LOXL2: variants seen among roughly 807,000 people sequenced by gnomAD.
LOXL2 encodes the protein lysyl oxidase homolog 2.
LOXL2 carries 70 observed loss-of-function variants against 93.0 expected under a neutral mutation model. The observed-to-expected ratio is 0.75, with a 90% CI of 0.62 to 0.92. LOXL2 has a LOEUF of 0.92. Ranked by LOEUF, LOXL2 falls within the 40% of genes least tolerant of loss-of-function variation. LOXL2 has a pLI of 0.00. For missense variants in LOXL2, 973 were observed against 1,054.9 expected (o/e 0.92, Z 1.08); for synonymous variants, 438 against 413.2 (o/e 1.06, Z -0.73).
chr8:23,384,923 A>G (rs1014566845), intron 1 of LOXL2, among the ~76,000 whole-genome samples: 2 of 152,124 alleles, frequency 1.3e-5, no homozygotes, highest in Middle Eastern at 3.2e-3. Context: ...CAAACAAACA[A>G]AAAGCCTCCA....
At chr8:23,388,437 G>C (rs1293210842) in intron 1 of LOXL2, among the ~76,000 whole-genome samples, 1 of 151,514 alleles carries the variant, frequency 6.6e-6, no homozygotes, top group Non-Finnish European at 1.5e-5. Flanking sequence ...TTTTTTAATT[G>C]GCTGGGCATG....
chr8:23,302,029 G>A lies in LOXL2; in HGVS notation c.2131C>T (p.Gln711Ter). 6.2e-7 allele frequency: 1 copy of A among 1,614,086 alleles called. No homozygotes were observed. The highest frequency in any genetic ancestry group is 1.1e-5 in the South Asian group (1 of 91,068). Residue 711 changes from glutamine to a stop codon, truncating the protein, a stop_gained and splice_region_variant, in exon 12 of 14, where the codon CAG becomes TAG. Coordinates refer to ENST00000389131, the MANE Select transcript of LOXL2 (RefSeq NM_002318.3). LOFTEE classifies it high-confidence loss of function. ...TDVPPGDYLFQVVINPNFEVA... is the reference protein window; with the variant it reads ...TDVPPGDYLF ...GAACCCCTTCCCACCCACCTCACCT[G>A]GAACAGGTAGTCTCCAGGGGGCACG...
chr8:23,327,613 T>A (rs1404203416), intron 6 of LOXL2, among the ~76,000 whole-genome samples: 1 of 152,110 alleles, frequency 6.6e-6, no homozygotes, highest in African/African-American at 2.4e-5. Flanking sequence ...AAGTCACAGT[T>A]GTCTCGGGGA....
chr8:23,323,039 C>G (rs4872105), intron 6 of LOXL2, among the ~76,000 whole-genome samples: 108,324 of 152,152 alleles, frequency 0.71, 38,756 homozygotes, highest in Middle Eastern at 0.76. Context: ...AGCTGGTATC[C>G]AGGCTTACTG....
rs1328687545 is a variant in LOXL2 at position 23,298,172 on chromosome 8, C to A, written c.2246-50G>T. 4.2e-6 allele frequency: 6 copies of A among 1,430,186 alleles called. 1 individual carries two copies. The South Asian group carries it at 4.6e-5, about 11-fold the overall frequency. 88.6% of individuals were successfully genotyped at this position (1,430,186 alleles called of 1,614,324 possible). A position where few individuals can be genotyped will look rare whatever the true frequency, so the allele number is the denominator to read the frequency against. ...AGAGTGGACAAATGAGATGCTCGGG[C>A]CTTGCCTGACCCTGAGCCAGGGGAG... On this transcript the variant is annotated intron_variant, in intron 13 of 13. Coordinates refer to ENST00000389131, the MANE Select transcript of LOXL2 (RefSeq NM_002318.3).
intron 1 of LOXL2, chr8:23,402,881 T>A (rs906763720): frequency 6.6e-6 from 1 of 152,156 alleles, no homozygotes; most frequent in African/African-American, 2.4e-5. Flanking sequence ...TCTCCCCTCA[T>A]CAGGACTTGG....
chr8:23,363,495 C>T (rs1804337655), intron 2 of LOXL2: 1 of 152,172 alleles, frequency 6.6e-6, no homozygotes. Context: ...GTTTGTCTTG[C>T]TAAGTTACTA....
intron 3 of LOXL2, among the ~76,000 whole-genome samples, chr8:23,354,750 C>T (rs1363486590): frequency 1.3e-5 from 2 of 151,764 alleles, no homozygotes; most frequent in African/African-American, 4.8e-5. Flanking sequence ...TCCCACTTCC[C>T]TCCCCATGTA....
rs746493999 is a variant in LOXL2, at chr8:23,322,258, C to G, written c.1174G>C (p.Glu392Gln). The change falls in exon 7 of 14, where the codon GAG (glutamate) becomes CAG (glutamine). Residue 392 changes from glutamate (E) to glutamine (Q), a missense_variant. Coordinates refer to ENST00000389131, the MANE Select transcript of LOXL2 (RefSeq NM_002318.3). ...TTCTCATTGCCTGTGCACTGGATCTCGTTGAGGTGGATGGGTCCGATCCCT... is the reference window on the plus strand; with the variant it reads ...TTCTCATTGCCTGTGCACTGGATCTGGTTGAGGTGGATGGGTCCGATCCCT... ...GQGIGPIHLN[E>Q]IQCTGNEKSI... The G allele has an allele frequency of 6.2e-7, 1 of 1,614,182 alleles. No homozygotes were observed. The highest frequency in any genetic ancestry group is 8.5e-7 in the Non-Finnish European group (1 of 1,180,010).
chr8:23,388,623 T>TCACACACACA (rs10522826), intron 1 of LOXL2, among the ~76,000 whole-genome samples: 2 of 142,822 alleles, frequency 1.4e-5, no homozygotes, highest in African/African-American at 2.6e-5. Context: ...AAAAATATAC[T>TCACACACACA]CACACACACA....
At chr8:23,385,995 C>T (rs779482141) in intron 1 of LOXL2, 1 of 765,278 alleles carries the variant, frequency 1.3e-6, no homozygotes, top group Non-Finnish European at 2.4e-6. Flanking sequence ...TACTGCACAA[C>T]ACAGCTTTGG....
chr8:23,310,765 G>A (rs1275027358), intron 9 of LOXL2, among the ~76,000 whole-genome samples: 1 of 152,198 alleles, frequency 6.6e-6, no homozygotes, highest in African/African-American at 2.4e-5. Flanking sequence ...TGCCCCACAG[G>A]AGAGTTTTCC....
At chr8:23,380,027 T>G (rs1401685020) in intron 1 of LOXL2, among the ~76,000 whole-genome samples, 2 of 152,194 alleles carry the variant, frequency 1.3e-5, no homozygotes, top group Admixed American at 6.5e-5. Context: ...TCTTCTGCGT[T>G]GCTCACGCTG....
intron 2 of LOXL2, 50 bp downstream of exon 2, chr8:23,367,947 C>T (rs769750747): frequency 6.6e-7 from 1 of 1,504,662 alleles, no homozygotes; most frequent in East Asian, 2.3e-5. Context: ...GAAGGCCACT[C>T]CGGGCCTTGC....
At chr8:23,318,358 T>C (rs998826133) in intron 8 of LOXL2, among the ~76,000 whole-genome samples, 1 of 152,004 alleles carries the variant, frequency 6.6e-6, no homozygotes. Context: ...TCTTTCTTCA[T>C]GCTGTGTGTG....
At chr8:23,359,533 G>A (rs577629248) in intron 3 of LOXL2, among the ~76,000 whole-genome samples, 47 of 152,238 alleles carry the variant, frequency 3.1e-4, no homozygotes, top group Non-Finnish European at 5.7e-4. Flanking sequence ...AAGAGCCTGC[G>A]TGGGAGGGGA....
chr8:23,355,512 CTTTTTTTTTTTTT>C (rs58824822), intron 3 of LOXL2, among the ~76,000 whole-genome samples: 6 of 80,316 alleles, frequency 7.5e-5, no homozygotes, highest in Non-Finnish European at 6.8e-5. Flanking sequence ...TTGACATTCA[CTTTTTTTTTTTTT>C]TTTTTTTTTT....
intron 3 of LOXL2, among the ~76,000 whole-genome samples, chr8:23,352,904 C>A (rs1031785958): frequency 6.6e-6 from 1 of 151,346 alleles, no homozygotes; most frequent in African/African-American, 2.4e-5. Flanking sequence ...TAGGCAGCAC[C>A]TAAATCTCAC....
chr8:23,329,669 G>A (rs1170322665), intron 5 of LOXL2, among the ~76,000 whole-genome samples: 32 of 152,236 alleles, frequency 2.1e-4, no homozygotes, highest in Admixed American at 2.1e-3. Context: ...AGGGAGTGAG[G>A]AAGACTGTGT....
Sources: allele counts gnomAD v4.1 joint callset (sites outside exome capture counted in the v4.1 genomes callset), GRCh38; gene constraint gnomAD v4.1.1; transcripts MANE v1.5; gene names NCBI Gene and HGNC (gene_info 2026-07-23, HGNC 2026-07-21).